The following PTPN14 variants were observed in gnomAD, a reference collection of about 807,000 sequenced individuals.
PTPN14 encodes the protein protein tyrosine phosphatase non-receptor type 14.
Under a neutral mutation model 126.8 loss-of-function variants are expected in PTPN14, and 53 were observed. The ratio of observed to expected loss-of-function variants is 0.42; its 90% CI spans 0.34 to 0.53. The LOEUF (loss-of-function observed/expected upper bound fraction) is 0.53, where lower values mean the gene tolerates loss of function less well. Among genes scored for constraint, PTPN14 ranks in the 20% least tolerant of loss-of-function variants. The pLI is 0.08. For missense variants in PTPN14, 1,257 were observed against 1,552.9 expected, an observed-to-expected ratio of 0.81 and a Z score of 3.20; for synonymous variants, 630 against 599.3, an observed-to-expected ratio of 1.05 and a Z score of -0.75.
intron 15 of PTPN14, among the ~76,000 whole-genome samples, chr1:214,374,969 T>C (rs1344945114): frequency 6.6e-6 from 1 of 152,230 alleles, no homozygotes; most frequent in Non-Finnish European, 1.5e-5. Context: ...TGGTCATTGT[T>C]TCATAATGTA....
Position 214,542,155 on chromosome 1 carries a change from GTATGT to G in PTPN14, c.-155+9023_-155+9027del, listed in dbSNP as rs751191872. Among the ~76,000 whole-genome samples, 29 of 152,146 alleles carry G rather than the reference GTATGT, an allele frequency of 1.9e-4. No homozygotes were observed. In the South Asian group the frequency reaches 3.1e-3, roughly 16 times the overall value. The stretch of plus-strand genomic sequence containing the variant: ...TTATATGTACACACACATATAGTAT[GTATGT>G]TATATGTACACACACATATAGTATG... On this transcript the variant is annotated intron_variant, in intron 1 of 18. Coordinates refer to ENST00000366956, the MANE Select transcript of PTPN14 (RefSeq NM_005401.5).
At chr1:214,424,376 A>G (rs1659612868) in intron 3 of PTPN14, among the ~76,000 whole-genome samples, 1 of 152,104 alleles carries the variant, frequency 6.6e-6, no homozygotes, top group African/African-American at 2.4e-5. Context: ...ACAAACACAA[A>G]AGCTGGATGG....
At chr1:214,461,113 T>C (rs1039382071) in intron 2 of PTPN14, among the ~76,000 whole-genome samples, 8 of 146,940 alleles carry the variant, frequency 5.4e-5, no homozygotes. Flanking sequence ...CTAAAATTGC[T>C]CTAAGAAATC....
intron 8 of PTPN14, among the ~76,000 whole-genome samples, chr1:214,397,113 A>G (rs561640353): frequency 6.6e-6 from 1 of 152,278 alleles, no homozygotes; most frequent in East Asian, 1.9e-4. Flanking sequence ...TGGTTAGAAA[A>G]CTGTCTCAAA....
In PTPN14 at chr1:214,465,093, G is replaced by A. The variant is rs17733829; in HGVS notation, c.-154-136C>T. The A allele has an allele frequency of 0.054, 21,314 of 391,992 alleles. 909 individuals carry two copies. Among genetic ancestry groups the A allele is most frequent in the South Asian group, 0.13 (3,381 of 25,720 alleles). The allele number at this position is 391,992 out of a possible 1,614,324, so 24.3% of individuals were successfully genotyped here. On this transcript the variant is annotated intron_variant, in intron 1 of 18. Transcript: ENST00000366956. ...AACACTCAGGTTTGATAAGCTGCAAGTTCTGGAGTTCCTAAGTGTCTTGGC... is the reference window on the plus strand; with the variant it reads ...AACACTCAGGTTTGATAAGCTGCAAATTCTGGAGTTCCTAAGTGTCTTGGC...
intron 1 of PTPN14, among the ~76,000 whole-genome samples, chr1:214,499,157 A>C (rs1654617478): frequency 6.6e-6 from 1 of 152,170 alleles, no homozygotes; most frequent in African/African-American, 2.4e-5. Context: ...TCTAAGACTC[A>C]TACTTGTGTG....
At chr1:214,390,786 C>A (rs937696167) in intron 11 of PTPN14, among the ~76,000 whole-genome samples, 11 of 152,178 alleles carry the variant, frequency 7.2e-5, no homozygotes, top group Non-Finnish European at 1.6e-4. Flanking sequence ...TCAGCCTCAG[C>A]CACACTTAGA....
rs1558130063 is a variant in PTPN14 at position 214,497,539 on chromosome 1, A to G, written c.-154-32582T>C. Among the ~76,000 whole-genome samples the G allele has an allele frequency of 2.6e-5, 4 of 152,284 alleles. No homozygotes were observed. In the East Asian group the frequency reaches 7.7e-4, roughly 29 times the overall value. ...TAATCTATGCTACAAGCTTCTACAT[A>G]CATCTATGAAAAAGGATGTCACTTT... On this transcript the variant is annotated intron_variant, in intron 1 of 18. Transcript: ENST00000366956.
chr1:214,417,440 G>A (rs1659451528), intron 3 of PTPN14, among the ~76,000 whole-genome samples: 1 of 152,050 alleles, frequency 6.6e-6, no homozygotes, highest in Non-Finnish European at 1.5e-5. Context: ...AAGAAAATAA[G>A]TGACTTATCC....
chr1:214,477,949 T>G (rs1299160164), intron 1 of PTPN14, among the ~76,000 whole-genome samples: 1 of 152,200 alleles, frequency 6.6e-6, no homozygotes, highest in Non-Finnish European at 1.5e-5. Context: ...ATAAACACCA[T>G]TTACTAAAAT....
intron 1 of PTPN14, among the ~76,000 whole-genome samples, chr1:214,503,037 A>G (rs1334935348): frequency 1.3e-5 from 2 of 152,188 alleles, no homozygotes; most frequent in African/African-American, 4.8e-5. Context: ...TTCCAACCAA[A>G]AGGATAAGAT....
intron 2 of PTPN14, among the ~76,000 whole-genome samples, chr1:214,461,809 C>A (rs561269271): frequency 1.3e-3 from 204 of 152,162 alleles, no homozygotes; most frequent in Middle Eastern, 0.01. Context: ...CCCCAACACC[C>A]CTCCCAAAAA....
chr1:214,515,189 G>T (rs1175589447), intron 1 of PTPN14, among the ~76,000 whole-genome samples: 1 of 152,106 alleles, frequency 6.6e-6, no homozygotes, highest in Non-Finnish European at 1.5e-5. Context: ...CCTTATTTCA[G>T]TGATTAAAGA....
chr1:214,494,512 C>T (rs1414402122), intron 1 of PTPN14, among the ~76,000 whole-genome samples: 1 of 152,176 alleles, frequency 6.6e-6, no homozygotes, highest in Non-Finnish European at 1.5e-5. Context: ...TAGGAACAAG[C>T]CCTGGATGTA....
intron 3 of PTPN14, among the ~76,000 whole-genome samples, chr1:214,430,415 T>C (rs557522129): frequency 6.6e-6 from 1 of 152,346 alleles, no homozygotes; most frequent in Admixed American, 6.5e-5. Context: ...GGCCACGATA[T>C]CCATATATTT....
intron 3 of PTPN14, among the ~76,000 whole-genome samples, chr1:214,418,537 C>G (rs532439388): frequency 6.6e-6 from 1 of 152,354 alleles, no homozygotes; most frequent in South Asian, 2.1e-4. Context: ...GATCTGATCC[C>G]TGCCCATTCT....
intron 1 of PTPN14, among the ~76,000 whole-genome samples, chr1:214,500,252 A>G (rs1440567178): frequency 6.6e-6 from 1 of 152,154 alleles, no homozygotes; most frequent in African/African-American, 2.4e-5. Context: ...GACACCGGAA[A>G]AATAATCTTA....
intron 2 of PTPN14, among the ~76,000 whole-genome samples, chr1:214,459,006 C>G (rs1165811866): frequency 6.6e-6 from 1 of 152,126 alleles, no homozygotes; most frequent in African/African-American, 2.4e-5. Context: ...TCCCAAGCAG[C>G]AACTTATCCC....
intron 3 of PTPN14, among the ~76,000 whole-genome samples, chr1:214,427,271 C>T (rs1395455176): frequency 3.5e-5 from 3 of 86,134 alleles, no homozygotes; most frequent in Non-Finnish European, 6.5e-5. Flanking sequence ...AGTGAGTCTC[C>T]ATCTCAAAAA....
Sources: gnomAD v4.1 joint callset for allele counts (sites outside exome capture counted in the v4.1 genomes callset) on GRCh38, gnomAD v4.1.1 for gene constraint, MANE v1.5 for transcripts, NCBI Gene and HGNC (gene_info 2026-07-23, HGNC 2026-07-21) for gene names.